The following PCDH7 variants were observed in gnomAD, a reference collection of about 807,000 sequenced individuals.
The protein encoded by PCDH7 is protocadherin 7, also known as protocadherin-7.
In PCDH7, 17 loss-of-function variants were observed where a neutral mutation model predicts 58.9. That is an observed-to-expected ratio of 0.29 (90% confidence interval 0.20 to 0.43). PCDH7 has a LOEUF of 0.43. Among genes scored for constraint, PCDH7 ranks in the 20% least tolerant of loss-of-function variants. The probability of loss-of-function intolerance (pLI) is 1.00; values close to 1 mark genes in which losing one functional copy is unlikely to be tolerated. For missense variants in PCDH7, 1,274 were observed against 1,441.0 expected (o/e 0.88, Z 1.88); for synonymous variants, 664 against 616.4 (o/e 1.08, Z -1.14).
intron 3 of PCDH7, among the ~76,000 whole-genome samples, chr4:31,141,761 G>A (rs1382372005): frequency 2.6e-5 from 4 of 152,104 alleles, no homozygotes; most frequent in African/African-American, 9.7e-5. Flanking sequence ...CAGATAAGAT[G>A]GCCTGTGTAT....
At chr4:30,819,475 G>A (rs532035661) in intron 1 of PCDH7, among the ~76,000 whole-genome samples, 15 of 152,242 alleles carry the variant, frequency 9.9e-5, no homozygotes, top group African/African-American at 3.6e-4. Flanking sequence ...AGATGGTTTT[G>A]TGCTCATACA....
At chr4:30,916,989 T>G (rs2109411448) in intron 1 of PCDH7, among the ~76,000 whole-genome samples, 1 of 152,304 alleles carries the variant, frequency 6.6e-6, no homozygotes, top group Admixed American at 6.5e-5. Flanking sequence ...TAAGCTATTC[T>G]ACTTCAGAGT....
At chr4:31,060,075 G>C (rs1487180776) in intron 3 of PCDH7, among the ~76,000 whole-genome samples, 1 of 151,630 alleles carries the variant, frequency 6.6e-6, no homozygotes, top group Non-Finnish European at 1.5e-5. Flanking sequence ...TCCATTAAGA[G>C]GGCCTTTATC....
chr4:30,999,190 T>C (rs1752147881), intron 3 of PCDH7, among the ~76,000 whole-genome samples: 1 of 152,168 alleles, frequency 6.6e-6, no homozygotes. Flanking sequence ...TCTTGAGATC[T>C]AGTTAACTAC....
chr4:30,743,644 G>A (rs1046756945), intron 1 of PCDH7, among the ~76,000 whole-genome samples: 2 of 151,572 alleles, frequency 1.3e-5, no homozygotes, highest in Non-Finnish European at 2.9e-5. Context: ...AAAAAATATC[G>A]GCCTCTGAGG....
At chr4:31,139,965 C>T (rs1720049194) in intron 3 of PCDH7, among the ~76,000 whole-genome samples, 2 of 152,048 alleles carry the variant, frequency 1.3e-5, no homozygotes, top group Non-Finnish European at 2.9e-5. Flanking sequence ...TATATGATGG[C>T]ACAGAAGACA....
chr4:30,930,112 A>G (rs1429484588), intron 2 of PCDH7, among the ~76,000 whole-genome samples: 1 of 152,196 alleles, frequency 6.6e-6, no homozygotes, highest in African/African-American at 2.4e-5. Context: ...TAAAGGCATG[A>G]GAGGCATTAT....
chr4:30,752,783 CAA>C (rs35860745), intron 1 of PCDH7, among the ~76,000 whole-genome samples: 33,807 of 99,216 alleles, frequency 0.34, 2,428 homozygotes, highest in South Asian at 0.42. Flanking sequence ...CCTGTAGGGG[CAA>C]AAAAAAAAAA....
intron 1 of PCDH7, among the ~76,000 whole-genome samples, chr4:30,833,578 C>T (rs1730082559): frequency 6.6e-6 from 1 of 152,196 alleles, no homozygotes; most frequent in Non-Finnish European, 1.5e-5. Context: ...CCACCCCCTG[C>T]CACCACATAA....
intron 1 of PCDH7, among the ~76,000 whole-genome samples, chr4:30,865,102 T>G (rs1472272870): frequency 6.6e-6 from 1 of 151,948 alleles, no homozygotes; most frequent in East Asian, 1.9e-4. Context: ...TTTTTAGGCA[T>G]CTCAGGTAAC....
intron 1 of PCDH7, among the ~76,000 whole-genome samples, chr4:30,919,153 G>A (rs1012075872): frequency 6.6e-6 from 1 of 152,122 alleles, no homozygotes; most frequent in Non-Finnish European, 1.5e-5. Flanking sequence ...TCAAATTCAT[G>A]CAGCAGCTTT....
At chr4:30,890,856 A>T (rs989691927) in intron 1 of PCDH7, among the ~76,000 whole-genome samples, 1 of 152,170 alleles carries the variant, frequency 6.6e-6, no homozygotes, top group Non-Finnish European at 1.5e-5. Flanking sequence ...CAAGTGAAAT[A>T]ACTAATATTA....
chr4:30,966,242 G>C (rs1240042150), intron 3 of PCDH7, among the ~76,000 whole-genome samples: 2 of 152,156 alleles, frequency 1.3e-5, no homozygotes, highest in Non-Finnish European at 2.9e-5. Flanking sequence ...GACACTGTCA[G>C]AATTTCTATT....
chr4:30,892,243 T>C (rs781430130), intron 1 of PCDH7, among the ~76,000 whole-genome samples: 1 of 152,052 alleles, frequency 6.6e-6, no homozygotes, highest in African/African-American at 2.4e-5. Context: ...GTAGAAATAA[T>C]ATGATTTATT....
intron 3 of PCDH7, among the ~76,000 whole-genome samples, chr4:30,991,411 A>G (rs539772822): frequency 6.6e-6 from 1 of 152,224 alleles, no homozygotes; most frequent in Admixed American, 6.5e-5. Context: ...CAGAGGCTAG[A>G]CAAGAAGAAA....
chr4:30,910,355 A>G (rs1741563947), intron 1 of PCDH7, among the ~76,000 whole-genome samples: 1 of 152,246 alleles, frequency 6.6e-6, no homozygotes, highest in Admixed American at 6.5e-5. Context: ...TCTGCACAGC[A>G]AAAGAATCTA....
chr4:31,038,042 GC>G (rs1755557322), intron 3 of PCDH7, among the ~76,000 whole-genome samples: 1 of 152,228 alleles, frequency 6.6e-6, no homozygotes, highest in African/African-American at 2.4e-5. Flanking sequence ...CAGGGCCCAG[GC>G]CAAGACTCTG....
At chr4:31,066,234 T>A (rs1375961637) in intron 3 of PCDH7, among the ~76,000 whole-genome samples, 1 of 151,886 alleles carries the variant, frequency 6.6e-6, no homozygotes, top group African/African-American at 2.4e-5. Flanking sequence ...AATATATGCA[T>A]ATATTATGAG....
At chr4:30,892,739 T>C (rs1288101957) in intron 1 of PCDH7, among the ~76,000 whole-genome samples, 1 of 152,048 alleles carries the variant, frequency 6.6e-6, no homozygotes, top group African/African-American at 2.4e-5. Context: ...TTGTCTTATT[T>C]TGGGGTATTG....
Sources: gnomAD v4.1 joint callset for allele counts (sites outside exome capture counted in the v4.1 genomes callset) on GRCh38, gnomAD v4.1.1 for gene constraint, MANE v1.5 for transcripts, NCBI Gene and HGNC (gene_info 2026-07-23, HGNC 2026-07-21) for gene names.